Variants in SEMA7A observed in about 807,000 individuals in gnomAD.
SEMA7A encodes semaphorin 7A (JohnMiltonHagen blood group).
SEMA7A carries 21 observed loss-of-function variants against 67.5 expected under a neutral mutation model. The ratio of observed to expected loss-of-function variants is 0.31; its 90% confidence interval spans 0.22 to 0.45. SEMA7A has a LOEUF of 0.45. Ranked by LOEUF, SEMA7A falls within the 20% of genes least tolerant of loss-of-function variation. SEMA7A has a pLI of 1.00. For synonymous variants in SEMA7A, 364 were observed against 368.5 expected (o/e 0.99, Z 0.14); for missense variants, 774 against 908.6 (o/e 0.85, Z 1.90).
rs745354474 is a variant in SEMA7A, at chr15:74,418,979, A to G, written c.179-27T>C. On this transcript the variant is annotated intron_variant, in intron 1 of 13. Coordinates refer to ENST00000261918, the MANE Select transcript of SEMA7A (RefSeq NM_003612.5). ...TGAGGAGGAGACAATTAGTAGAAAC[A>G]TTGAAGCCAGGTCCCGAGAGAGAAG... 1.7e-5 allele frequency: 27 copies of G among 1,607,808 alleles called. No homozygotes were observed. The Admixed American group carries it at 2.2e-4, about 13-fold the overall frequency.
rs1266861142 is a variant in SEMA7A at position 74,414,282 on chromosome 15, CTT to C, written c.1294+263_1294+264del. ...ACATCTGGACCAAAGGTGCACCTGG[CTT>C]TGCTCAGACTCTCCAGATTTCCGCC... On this transcript the variant is annotated intron_variant, in intron 10 of 13. Coordinates refer to ENST00000261918, the MANE Select transcript of SEMA7A (RefSeq NM_003612.5). The surrounding 1 kb of genome is among the most constrained non-coding windows in gnomAD (Gnocchi z 4.1). Among the ~76,000 whole-genome samples, 1 of 152,196 alleles carries C rather than the reference CTT, an allele frequency of 6.6e-6. No homozygotes were observed. Among genetic ancestry groups the C allele is most frequent in the Non-Finnish European group, 1.5e-5 (1 of 68,032 alleles).
rs575357666 is a variant in SEMA7A at position 74,429,130 on chromosome 15, C to A, written c.178+4611G>T. 4.0e-4 allele frequency among the ~76,000 whole-genome samples: 61 copies of A among 152,202 alleles called. 4 individuals carry two copies. In the South Asian group the frequency reaches 0.011, roughly 28 times the overall value. ...AGGCTCCTGGGGCAGCCACGCTGGG[C>A]CAAAAAAGGAAATCAAGAGAAGTGG... On this transcript the variant is annotated intron_variant, in intron 1 of 13. Coordinates refer to ENST00000261918, the MANE Select transcript of SEMA7A (RefSeq NM_003612.5).
In SEMA7A at chr15:74,410,035, T is replaced by C. The variant is rs2060886158; in HGVS notation, c.*589A>G. The C allele has an allele frequency of 2.0e-5, 3 of 151,452 alleles. No homozygotes were observed. The highest frequency in any genetic ancestry group is 2.0e-4 in the Admixed American group (3 of 15,226). 9.4% of individuals were successfully genotyped at this position (151,452 alleles called of 1,614,324 possible). A position where few individuals can be genotyped will look rare whatever the true frequency, so the allele number is the denominator to read the frequency against. Reference sequence around the variant, plus strand: ...AGCCTAACATAAAAATAGAGCTTTTTCCGTCCTTCCGTCCGGAAAGCAAAC... The same window carrying C: ...AGCCTAACATAAAAATAGAGCTTTTCCCGTCCTTCCGTCCGGAAAGCAAAC... On this transcript the variant is annotated 3_prime_UTR_variant, in exon 14 of 14. Transcript: ENST00000261918. This position sits in a 1 kb window ranked among gnomAD's most constrained non-coding sequence, Gnocchi z 7.5.
chr15:74,425,739 G>A (rs2061038966), intron 1 of SEMA7A, among the ~76,000 whole-genome samples: 1 of 152,162 alleles, frequency 6.6e-6, no homozygotes, highest in South Asian at 2.1e-4. Context: ...CCTTGACACC[G>A]TTTCCAGCTC....
At chr15:74,418,699 T>G in intron 2 of SEMA7A, 102 bp downstream of exon 2, 2 of 1,359,564 alleles carry the variant, frequency 1.5e-6, no homozygotes, top group Non-Finnish European at 2.0e-6. Flanking sequence ...GGGGGCAGTT[T>G]AGGAAGAGAA....
Position 74,417,630 on chromosome 15 carries a change from G to A in SEMA7A, c.511C>T (p.Pro171Ser). 6.2e-7 allele frequency: 1 copy of A among 1,612,800 alleles called. No homozygotes were observed. The highest frequency in any genetic ancestry group is 1.1e-5 in the South Asian group (1 of 91,040). The change falls in exon 5 of 14, where the codon CCC (proline) becomes TCC (serine). Residue 171 changes from proline to serine, a missense_variant. Coordinates refer to ENST00000261918, the MANE Select transcript of SEMA7A (RefSeq NM_003612.5). ...AGGGAGTTCTCGTCCGGGCTGAAGG[G>A]GGCGTAGCCTCTCATCTCGCCAAGT... ...VPLGEMRGYAPFSPDENSLVL... is the reference protein window; with the variant it reads ...VPLGEMRGYASFSPDENSLVL...
intron 6 of SEMA7A, among the ~76,000 whole-genome samples, 156 bp downstream of exon 6, chr15:74,417,179 C>A (rs2060957552): frequency 6.6e-6 from 1 of 152,158 alleles, no homozygotes. Flanking sequence ...CTGCTCCCAG[C>A]CAACCCTAAC....
At chr15:74,431,215 GGACAATCCCTACAGCCTTTCTTGCTCT>G (rs1274592384) in intron 1 of SEMA7A, among the ~76,000 whole-genome samples, 1 of 152,172 alleles carries the variant, frequency 6.6e-6, no homozygotes, top group Non-Finnish European at 1.5e-5. Flanking sequence ...AGCCCTTGGG[GGACAATCCCTACAGCCTTTCTTGCTCT>G]GGCAGGCTCT....
rs2060890782 is a variant in SEMA7A, at chr15:74,410,641, C to T, written c.1984G>A (p.Gly662Ser). Residue 662 changes from glycine (G) to serine (S), a missense_variant, in exon 14 of 14, where the codon GGC becomes AGC. Transcript: ENST00000261918. The surrounding 1 kb of genome is among the most constrained non-coding windows in gnomAD (Gnocchi z 7.5). ...WLGVLPTLTL[G>S]LLVH is the part of the protein sequence containing the mutation. ...GGGAGGCCCTAGTGGACCAGCAAGC[C>T]AAGAGTGAGTGTGGGCAGCACCCCC... The T allele has an allele frequency of 4.4e-6, 7 of 1,594,966 alleles. No homozygotes were observed. The highest frequency in any genetic ancestry group is 6.0e-6 in the Non-Finnish European group (7 of 1,167,820).
At chr15:74,415,661 C>T in intron 8 of SEMA7A, 140 bp downstream of exon 8, 1 of 825,190 alleles carries the variant, frequency 1.2e-6, no homozygotes, top group South Asian at 1.8e-5. Context: ...CCACCCCACA[C>T]CCAGCAACAG....
Position 74,414,641 on chromosome 15 carries a change from T to C in SEMA7A, c.1200A>G (p.Pro400=), listed in dbSNP as rs1342879352. 1.2e-6 allele frequency: 2 copies of C among 1,614,160 alleles called. No homozygotes were observed. ...GGTAGTGGTATTTAGAGTGGAACAA[T>C]GGCGTCTTCAGAGGCCCCATGGGCT... ...RVEPMGPLKT[P]LFHSKYHYQK... Residue 400 remains proline, a synonymous_variant, in exon 10 of 14, where the codon CCA becomes CCG. Coordinates refer to ENST00000261918, the MANE Select transcript of SEMA7A (RefSeq NM_003612.5). This position sits in a 1 kb window ranked among gnomAD's most constrained non-coding sequence, Gnocchi z 4.1.
chr15:74,420,736 C>T (rs2060993439), intron 1 of SEMA7A, among the ~76,000 whole-genome samples: 2 of 152,176 alleles, frequency 1.3e-5, no homozygotes, highest in Admixed American at 1.3e-4. Context: ...CCCTTCCACC[C>T]GCAGCCCAAA....
Position 74,414,826 on chromosome 15 carries a change from T to C in SEMA7A, c.1095+12A>G, listed in dbSNP as rs746321064. On this transcript the variant is annotated intron_variant, in intron 9 of 13. Transcript: ENST00000261918. The surrounding 1 kb of genome is among the most constrained non-coding windows in gnomAD (Gnocchi z 4.1). ...AGGGCTGGGCCTGGGCCACGGCTGG[T>C]GTCACGCTCACCTTGCCAGGCCGCG... is the stretch of plus-strand genomic sequence containing the variant. 1 of 1,613,824 alleles carries C rather than the reference T, an allele frequency of 6.2e-7. No individual in the cohort carries two copies. Among genetic ancestry groups the C allele is most frequent in the South Asian group, 1.1e-5 (1 of 91,082 alleles).
intron 7 of SEMA7A, 152 bp from the exon 8 acceptor site, chr15:74,416,137 T>A: frequency 1.3e-6 from 1 of 747,896 alleles, no homozygotes. Flanking sequence ...GCCCCAGGAC[T>A]CAGGGCAGGT....
chr15:74,432,007 C>T (rs2061092768), intron 1 of SEMA7A, among the ~76,000 whole-genome samples: 1 of 140,580 alleles, frequency 7.1e-6, no homozygotes, highest in African/African-American at 2.7e-5. Context: ...GGACTGAAAG[C>T]AACTTTAAAT....
chr15:74,431,384 C>G (rs566839202), intron 1 of SEMA7A, among the ~76,000 whole-genome samples: 37 of 152,368 alleles, frequency 2.4e-4, no homozygotes, highest in African/African-American at 7.7e-4. Flanking sequence ...CTGATCAGTG[C>G]AGGCTGGGCC....
At chr15:74,422,837 C>T (rs1468238318) in intron 1 of SEMA7A, among the ~76,000 whole-genome samples, 1 of 152,218 alleles carries the variant, frequency 6.6e-6, no homozygotes, top group Non-Finnish European at 1.5e-5. Context: ...GTTTCCTCTT[C>T]TCATTCACTC....
At position 74,417,628 on chromosome 15, in the gene SEMA7A, G is replaced by A. The variant is rs890825374; in HGVS notation, c.513C>T (p.Pro171=). The change falls in exon 5 of 14, where the codon CCC becomes CCT. Residue 171 remains proline (P), a synonymous_variant. Coordinates refer to ENST00000261918, the MANE Select transcript of SEMA7A (RefSeq NM_003612.5). The part of the protein sequence containing the change: ...VPLGEMRGYA[P]FSPDENSLVL... ...CCAGGGAGTTCTCGTCCGGGCTGAA[G>A]GGGGCGTAGCCTCTCATCTCGCCAA... is the stretch of plus-strand genomic sequence containing the variant. 2 of 1,612,828 alleles carry A rather than the reference G, an allele frequency of 1.2e-6. No individual in the cohort carries two copies. The highest frequency in any genetic ancestry group is 2.2e-5 in the South Asian group (2 of 91,036).
rs753679003 is a variant in SEMA7A at position 74,411,552 on chromosome 15, G to A, written c.1577+4C>T. 2.0e-5 allele frequency: 31 copies of A among 1,553,800 alleles called. No homozygotes were observed. The highest frequency in any genetic ancestry group is 1.5e-4 in the South Asian group (12 of 81,458). On this transcript the variant is annotated splice_donor_region_variant and intron_variant, in intron 12 of 13. Coordinates refer to ENST00000261918, the MANE Select transcript of SEMA7A (RefSeq NM_003612.5). The surrounding 1 kb of genome is among the most constrained non-coding windows in gnomAD (Gnocchi z 4.4). ...CCAGGGACGAGGGATCCCGGCCAAC[G>A]TACCGTTCGGAGCTGTAGATGGAGA...
Sources: gnomAD v4.1 joint callset for allele counts (sites outside exome capture counted in the v4.1 genomes callset) on GRCh38, gnomAD v4.1.1 for gene constraint, Gnocchi (gnomAD v3.1) non-coding constraint, MANE v1.5 for transcripts, NCBI Gene and HGNC (gene_info 2026-07-23, HGNC 2026-07-21) for gene names.